The following ADAM29 variants were observed in gnomAD, a reference collection of about 807,000 sequenced individuals.
The protein encoded by ADAM29 is disintegrin and metalloproteinase domain-containing protein 29.
For missense variants in ADAM29, 969 were observed against 1,001.8 expected, an observed-to-expected ratio of 0.97 and a Z score of 0.44; for synonymous variants, 367 against 342.3, an observed-to-expected ratio of 1.07 and a Z score of -0.80.
chr4:174,975,481 A>G lies in ADAM29; in HGVS notation c.-45A>G, dbSNP rs1241274446. On this transcript the variant is annotated 5_prime_UTR_variant, in exon 5 of 5. Transcript: ENST00000359240. ...ACTTCTGCTCTGGACCAGTGTTTCC[A>G]TAACAGGGACTTCAAAATCACTGTG... The G allele has an allele frequency of 6.0e-6, 9 of 1,493,784 alleles. No homozygotes were observed. Among genetic ancestry groups the G allele is most frequent in the African/African-American group, 1.4e-5 (1 of 71,384 alleles). The allele number at this position is 1,493,784 out of a possible 1,614,324, so 92.5% of individuals were successfully genotyped here.
intron 4 of ADAM29, among the ~76,000 whole-genome samples, chr4:174,974,921 A>G (rs1746671147): frequency 6.6e-6 from 1 of 152,242 alleles, no homozygotes; most frequent in Non-Finnish European, 1.5e-5. Context: ...CAACTAATTT[A>G]TCATCTGAAA....
chr4:174,949,525 G>A (rs11931150), intron 4 of ADAM29, among the ~76,000 whole-genome samples: 37,318 of 152,006 alleles, frequency 0.25, 5,775 homozygotes, highest in Non-Finnish European at 0.34. Flanking sequence ...GAGTCACTGG[G>A]GGCCAGGAAT....
intron 4 of ADAM29, among the ~76,000 whole-genome samples, chr4:174,970,706 A>C (rs1358694285): frequency 6.6e-6 from 1 of 152,174 alleles, no homozygotes; most frequent in African/African-American, 2.4e-5. Context: ...TAGAAAAGCT[A>C]AAAGAAAAAT....
rs775874488 is a variant in ADAM29, at chr4:174,976,140, C to G, written c.615C>G (p.Val205=). ...TTAGGATTGTTGAAATTGTAGTCGT[C>G]ATTGATAATTATCTGTACATTCGTT... is the stretch of plus-strand genomic sequence containing the variant. ...IHFRIVEIVV[V]IDNYLYIRYE... The change falls in exon 5 of 5, where the codon GTC becomes GTG. Residue 205 remains valine (V), a synonymous_variant. Transcript: ENST00000359240. 18 of 1,613,324 alleles carry G rather than the reference C, an allele frequency of 1.1e-5. No homozygotes were observed. Among genetic ancestry groups the G allele is most frequent in the Non-Finnish European group, 1.5e-5 (18 of 1,179,926 alleles).
intron 4 of ADAM29, among the ~76,000 whole-genome samples, chr4:174,954,573 C>T (rs543786961): frequency 2.0e-4 from 31 of 152,238 alleles, no homozygotes; most frequent in African/African-American, 6.5e-4. Flanking sequence ...CATATTGAAA[C>T]GGTTATTGAA....
chr4:174,975,161 C>T (rs886555926), intron 4 of ADAM29, among the ~76,000 whole-genome samples, 185 bp from the exon 5 acceptor site: 5 of 152,156 alleles, frequency 3.3e-5, no homozygotes, highest in African/African-American at 1.2e-4. Flanking sequence ...TGTACACTCC[C>T]TATTCCCTTT....
intron 2 of ADAM29, among the ~76,000 whole-genome samples, chr4:174,925,657 T>A (rs982564077): frequency 6.6e-6 from 1 of 152,180 alleles, no homozygotes; most frequent in African/African-American, 2.4e-5. Context: ...TGATAACTCT[T>A]ATACTTGAGC....
chr4:174,977,726 C>T lies in ADAM29; in HGVS notation c.2201C>T (p.Pro734Leu). The T allele has an allele frequency of 6.2e-7, 1 of 1,613,670 alleles. No homozygotes were observed. The highest frequency in any genetic ancestry group is 8.5e-7 in the Non-Finnish European group (1 of 1,179,616). ...RPHELPPQSQPWVMPSQSQPP... is the reference protein window; with the variant it reads ...RPHELPPQSQLWVMPSQSQPP... Reference sequence around the variant, plus strand: ...CATGAGTTACCTCCCCAGAGTCAACCTTGGGTGATGCCTTCCCAGAGTCAA... The same window carrying T: ...CATGAGTTACCTCCCCAGAGTCAACTTTGGGTGATGCCTTCCCAGAGTCAA... The change falls in exon 5 of 5, where the codon CCT becomes CTT. Residue 734 changes from proline (P) to leucine (L), a missense_variant. Transcript: ENST00000359240.
intron 4 of ADAM29, among the ~76,000 whole-genome samples, chr4:174,946,499 C>G (rs745846245): frequency 2.0e-4 from 31 of 152,010 alleles, no homozygotes; most frequent in Non-Finnish European, 5.9e-5. Context: ...CTTTCACTTG[C>G]CTGATTGCTC....
At chr4:174,972,088 T>G (rs1048287625) in intron 4 of ADAM29, among the ~76,000 whole-genome samples, 12 of 152,220 alleles carry the variant, frequency 7.9e-5, no homozygotes, top group Non-Finnish European at 1.8e-4. Context: ...TCTAACTTTT[T>G]TCCTGCATTT....
intron 4 of ADAM29, among the ~76,000 whole-genome samples, chr4:174,969,163 T>C (rs1230368786): frequency 6.6e-6 from 1 of 151,392 alleles, no homozygotes; most frequent in African/African-American, 2.4e-5. Context: ...TTTATTTATT[T>C]ATTAAAATTT....
chr4:174,960,286 T>C (rs1295593964), intron 4 of ADAM29, among the ~76,000 whole-genome samples: 1 of 152,100 alleles, frequency 6.6e-6, no homozygotes, highest in African/African-American at 2.4e-5. Context: ...CACTTTTTAG[T>C]ATGAAATATT....
intron 4 of ADAM29, among the ~76,000 whole-genome samples, chr4:174,956,048 A>G (rs148874681): frequency 5.9e-5 from 9 of 152,194 alleles, no homozygotes; most frequent in Non-Finnish European, 1.3e-4. Flanking sequence ...CTTAAGACAC[A>G]TAATAATCTA....
chr4:174,975,987 T>G lies in ADAM29; in HGVS notation c.462T>G (p.Ser154Arg). Reference protein sequence around the residue: ...TFEHLVYKMDSEEKQFSTMRS... With the variant: ...TFEHLVYKMDREEKQFSTMRS... Reference sequence around the variant, plus strand: ...AACATCTGGTATACAAGATGGACAGTGAGGAGAAACAATTTTCAACCATGA... The same window carrying G: ...AACATCTGGTATACAAGATGGACAGGGAGGAGAAACAATTTTCAACCATGA... Residue 154 changes from serine to arginine, a missense_variant, in exon 5 of 5, where the codon AGT becomes AGG. By Grantham distance (110) the Ser-to-Arg change is moderately radical. Coordinates refer to ENST00000359240, the MANE Select transcript of ADAM29 (RefSeq NM_014269.4). The G allele has an allele frequency of 6.2e-7, 1 of 1,613,934 alleles. No individual in the cohort carries two copies.
chr4:174,945,542 G>C (rs571501376), intron 4 of ADAM29, among the ~76,000 whole-genome samples: 1 of 151,980 alleles, frequency 6.6e-6, no homozygotes, highest in East Asian at 1.9e-4. Context: ...ATTGCTTTTG[G>C]CATCTTCATC....
chr4:174,946,412 T>A (rs1274732587), intron 4 of ADAM29, among the ~76,000 whole-genome samples: 1 of 152,126 alleles, frequency 6.6e-6, no homozygotes, highest in African/African-American at 2.4e-5. Flanking sequence ...ACTATGAGGC[T>A]TTGTAGTTAT....
intron 4 of ADAM29, among the ~76,000 whole-genome samples, chr4:174,950,254 A>G (rs1171309590): frequency 6.6e-6 from 1 of 152,190 alleles, no homozygotes; most frequent in Non-Finnish European, 1.5e-5. Context: ...TTTATAGGTA[A>G]GCACCAGAAT....
intron 2 of ADAM29, among the ~76,000 whole-genome samples, 183 bp downstream of exon 2, chr4:174,920,975 C>G (rs2110886274): frequency 6.6e-6 from 1 of 152,160 alleles, no homozygotes; most frequent in South Asian, 2.1e-4. Flanking sequence ...GATCATTACA[C>G]CAATGGGTAG....
chr4:174,955,501 A>T (rs981060229), intron 4 of ADAM29, among the ~76,000 whole-genome samples: 1 of 152,086 alleles, frequency 6.6e-6, no homozygotes, highest in African/African-American at 2.4e-5. Flanking sequence ...TCAACAAACA[A>T]TTGTTCTGCT....
Sources: allele counts gnomAD v4.1 joint callset (sites outside exome capture counted in the v4.1 genomes callset), GRCh38; gene constraint gnomAD v4.1.1; transcripts MANE v1.5; gene names NCBI Gene and HGNC (gene_info 2026-07-23, HGNC 2026-07-21).